Variants in GPD1L observed in about 807,000 individuals in gnomAD.
The protein encoded by GPD1L is glycerol-3-phosphate dehydrogenase 1 like.
GPD1L carries 17 observed loss-of-function variants against 32.9 expected under a neutral mutation model. The ratio of observed to expected loss-of-function variants is 0.52; its 90% confidence interval spans 0.35 to 0.78. The LOEUF (loss-of-function observed/expected upper bound fraction) is 0.78. Ranked by LOEUF, GPD1L falls within the 30% of genes least tolerant of loss-of-function variation. The probability of loss-of-function intolerance (pLI) is 0.01; values close to 1 mark genes in which losing one functional copy is unlikely to be tolerated. For missense variants in GPD1L, 361 were observed against 447.8 expected (o/e 0.81, Z 1.75); for synonymous variants, 187 against 165.9 (o/e 1.13, Z -0.98).
intron 1 of GPD1L, among the ~76,000 whole-genome samples, chr3:32,116,835 T>G (rs890295557): frequency 6.6e-5 from 10 of 152,192 alleles, no homozygotes; most frequent in African/African-American, 2.2e-4. Context: ...TTAAGCACTT[T>G]ATGTGTTATC....
chr3:32,166,173 C>CT lies in GPD1L; in HGVS notation c.*270dup. On this transcript the variant is annotated 3_prime_UTR_variant, in exon 8 of 8. Transcript: ENST00000282541. ...GTTTCTATGAGCCAAAATTTGATGTCTTTTTTTCAAAATTGCTTATGAAAT... is the reference window on the plus strand; with the variant it reads ...GTTTCTATGAGCCAAAATTTGATGTCTTTTTTTTCAAAATTGCTTATGAAAT... The CT allele has an allele frequency of 4.0e-6, 2 of 498,564 alleles. No individual in the cohort carries two copies. Among genetic ancestry groups the CT allele is most frequent in the Non-Finnish European group, 7.2e-6 (2 of 276,322 alleles). 30.9% of individuals were successfully genotyped at this position (498,564 alleles called of 1,614,324 possible). A position where few individuals can be genotyped will look rare whatever the true frequency, so the allele number is the denominator to read the frequency against.
chr3:32,111,452 T>G (rs1346638787), intron 1 of GPD1L, among the ~76,000 whole-genome samples: 2 of 152,220 alleles, frequency 1.3e-5, no homozygotes, highest in Non-Finnish European at 2.9e-5. Context: ...TGATACCTGC[T>G]GTCTGGGATT....
intron 7 of GPD1L, among the ~76,000 whole-genome samples, chr3:32,160,194 T>G (rs1487568217): frequency 7.3e-6 from 1 of 137,042 alleles, no homozygotes; most frequent in African/African-American, 2.8e-5. Flanking sequence ...TGGAATGGGA[T>G]GAAGGGATGG....
intron 5 of GPD1L, among the ~76,000 whole-genome samples, chr3:32,156,934 C>T (rs1700999284): frequency 8.2e-6 from 1 of 121,318 alleles, no homozygotes; most frequent in African/African-American, 3.8e-5. Flanking sequence ...TCTCCCACGG[C>T]TCTCTGTACA....
rs1559586679 is a variant in GPD1L, at chr3:32,167,991, A to G, written c.*2081A>G. 6.6e-6 allele frequency: 1 copy of G among 152,196 alleles called. No individual in the cohort carries two copies. The highest frequency in any genetic ancestry group is 1.5e-5 in the Non-Finnish European group (1 of 68,042). 9.4% of individuals were successfully genotyped at this position (152,196 alleles called of 1,614,324 possible). ...CAAAAAGTTACTTTAAAAGATATAT[A>G]AAGGGCTGTAAGCTAATTGTGGTGT... On this transcript the variant is annotated 3_prime_UTR_variant, in exon 8 of 8. Transcript: ENST00000282541.
At chr3:32,146,982 G>A (rs913425484) in intron 5 of GPD1L, among the ~76,000 whole-genome samples, 2 of 152,206 alleles carry the variant, frequency 1.3e-5, no homozygotes, top group African/African-American at 4.8e-5. Context: ...TGGGAAGTTG[G>A]CAGCATTGAT....
At chr3:32,157,913 C>T (rs1386336280) in intron 5 of GPD1L, among the ~76,000 whole-genome samples, 1 of 152,138 alleles carries the variant, frequency 6.6e-6, no homozygotes, top group African/African-American at 2.4e-5. Flanking sequence ...TAGCAGAGGC[C>T]ATGCAGAGAG....
intron 5 of GPD1L, among the ~76,000 whole-genome samples, chr3:32,150,506 T>C (rs1465614236): frequency 1.3e-5 from 2 of 151,688 alleles, no homozygotes; most frequent in East Asian, 3.9e-4. Flanking sequence ...AACTTTTTTT[T>C]TTTTTTGAGA....
At chr3:32,143,311 G>A (rs1027502079) in intron 4 of GPD1L, among the ~76,000 whole-genome samples, 5 of 152,180 alleles carry the variant, frequency 3.3e-5, no homozygotes, top group Non-Finnish European at 4.4e-5. Context: ...AGTCTTGTTC[G>A]AATTCCTGGC....
At chr3:32,111,419 G>A (rs4955241) in intron 1 of GPD1L, among the ~76,000 whole-genome samples, 4 of 152,174 alleles carry the variant, frequency 2.6e-5, no homozygotes, top group Non-Finnish European at 5.9e-5. Flanking sequence ...TGGGAAAAGC[G>A]CTTCTCTCTA....
At position 32,125,899 on chromosome 3, in the gene GPD1L, AC is replaced by A. The variant is rs140413842; in HGVS notation, c.48-2171del. ...AATGAGGTAGAATGAGGTCTTGATG[AC>A]CCCCCAAGAGTAAAATAACTGGAAT... On this transcript the variant is annotated intron_variant, in intron 1 of 7. Transcript: ENST00000282541. Among the ~76,000 whole-genome samples the A allele has an allele frequency of 1.4e-3, 206 of 152,168 alleles. 2 individuals carry two copies. The highest frequency in any genetic ancestry group is 4.7e-3 in the African/African-American group (195 of 41,486).
chr3:32,147,331 T>TAA (rs1700845349), intron 5 of GPD1L, among the ~76,000 whole-genome samples: 1 of 152,244 alleles, frequency 6.6e-6, no homozygotes, highest in African/African-American at 2.4e-5. Flanking sequence ...ATTGGAGGTG[T>TAA]ATTTTTGTTT....
Position 32,166,431 on chromosome 3 carries a change from G to T in GPD1L, c.*521G>T. ...CTACTTTGATTGTGGGCTGACCTTT[G>T]TTTTTTTAACAATCAGGCATTTTTA... is the stretch of plus-strand genomic sequence containing the variant. On this transcript the variant is annotated 3_prime_UTR_variant, in exon 8 of 8. Coordinates refer to ENST00000282541, the MANE Select transcript of GPD1L (RefSeq NM_015141.4). 6.2e-6 allele frequency: 1 copy of T among 162,164 alleles called. No individual in the cohort carries two copies. The highest frequency in any genetic ancestry group is 6.0e-5 in the Admixed American group (1 of 16,732). 10.0% of individuals were successfully genotyped at this position (162,164 alleles called of 1,614,324 possible).
At chr3:32,145,650 C>G (rs1700809152) in intron 4 of GPD1L, among the ~76,000 whole-genome samples, 1 of 152,094 alleles carries the variant, frequency 6.6e-6, no homozygotes, top group Non-Finnish European at 1.5e-5. Flanking sequence ...GGAGGAGACA[C>G]GATGAGGCTG....
chr3:32,135,141 C>T lies in GPD1L; in HGVS notation c.226-3446C>T, dbSNP rs2100288. Among the ~76,000 whole-genome samples, 3,604 of 152,188 alleles carry T rather than the reference C, an allele frequency of 0.024. 296 individuals are homozygous for T. In the East Asian group the frequency reaches 0.25, roughly 11 times the overall value. On this transcript the variant is annotated intron_variant, in intron 2 of 7. Coordinates refer to ENST00000282541, the MANE Select transcript of GPD1L (RefSeq NM_015141.4). ...CCACTTCACCATGTTGAAAATGCCCCAAAGGGGGAAAGGGAGGAATGTGTA... is the reference window on the plus strand; with the variant it reads ...CCACTTCACCATGTTGAAAATGCCCTAAAGGGGGAAAGGGAGGAATGTGTA...
At chr3:32,135,289 C>T (rs1174426505) in intron 2 of GPD1L, among the ~76,000 whole-genome samples, 1 of 152,142 alleles carries the variant, frequency 6.6e-6, no homozygotes, top group South Asian at 2.1e-4. Flanking sequence ...CCCATCTGAG[C>T]AAGGCCAGTG....
chr3:32,136,808 C>T (rs1700669819), intron 2 of GPD1L, among the ~76,000 whole-genome samples: 1 of 152,032 alleles, frequency 6.6e-6, no homozygotes, highest in Admixed American at 6.6e-5. Flanking sequence ...TTGTAACCCT[C>T]AGTGTGATCA....
intron 1 of GPD1L, among the ~76,000 whole-genome samples, chr3:32,112,797 T>C (rs1268039327): frequency 6.6e-6 from 1 of 152,184 alleles, no homozygotes; most frequent in East Asian, 1.9e-4. Context: ...TAATAATTTA[T>C]CATTTTCTGT....
intron 7 of GPD1L, among the ~76,000 whole-genome samples, chr3:32,159,984 G>A (rs564692677): frequency 6.6e-5 from 10 of 152,234 alleles, no homozygotes; most frequent in South Asian, 2.1e-4. Flanking sequence ...CATATCATAC[G>A]TTTTAAAATT....
Sources: allele counts gnomAD v4.1 joint callset (sites outside exome capture counted in the v4.1 genomes callset), GRCh38; gene constraint gnomAD v4.1.1; transcripts MANE v1.5; gene names NCBI Gene and HGNC (gene_info 2026-07-23, HGNC 2026-07-21).